Variants in DACH1 observed in about 807,000 individuals in gnomAD.
DACH1 encodes dachshund homolog 1.
DACH1 carries 12 observed loss-of-function variants against 54.2 expected under a neutral mutation model. The ratio of observed to expected loss-of-function variants is 0.22; its 90% CI spans 0.14 to 0.36. The LOEUF is 0.36. Ranked by LOEUF, DACH1 falls within the 10% of genes least tolerant of loss-of-function variation. The pLI is 1.00. For synonymous variants in DACH1, 386 were observed against 366.2 expected (o/e 1.05, Z -0.62); for missense variants, 805 against 929.8 (o/e 0.87, Z 1.75).
intron 3 of DACH1, among the ~76,000 whole-genome samples, chr13:71,608,572 A>G (rs985142947): frequency 2.0e-5 from 3 of 152,106 alleles, no homozygotes; most frequent in African/African-American, 7.2e-5. Context: ...TCAAATATCA[A>G]TAGATTAACA....
chr13:71,866,844 GA>G lies in DACH1; in HGVS notation c.-76del. ...CCACACACCCCCGGGAGGGGAAGGGGAAAAAAGGGGGGAGAAGGAGCGAGGG... is the reference window on the plus strand; with the variant it reads ...CCACACACCCCCGGGAGGGGAAGGGGAAAAAGGGGGGAGAAGGAGCGAGGG... On this transcript the variant is annotated 5_prime_UTR_variant, in exon 1 of 11. Transcript: ENST00000613252. 8.2e-6 allele frequency: 9 copies of G among 1,093,242 alleles called. No individual in the cohort carries two copies. Among genetic ancestry groups the G allele is most frequent in the East Asian group, 5.2e-5 (1 of 19,194 alleles). The allele number at this position is 1,093,242 out of a possible 1,614,324, so 67.7% of individuals were successfully genotyped here. A position where few individuals can be genotyped will look rare whatever the true frequency, so the allele number is the denominator to read the frequency against.
At chr13:71,741,876 A>C (rs552445203) in intron 1 of DACH1, among the ~76,000 whole-genome samples, 2 of 152,274 alleles carry the variant, frequency 1.3e-5, no homozygotes, top group Admixed American at 6.5e-5. Context: ...AATCCCTGAA[A>C]ACAACACCTA....
At chr13:71,540,826 A>T (rs968894646) in intron 6 of DACH1, among the ~76,000 whole-genome samples, 1 of 152,020 alleles carries the variant, frequency 6.6e-6, no homozygotes, top group African/African-American at 2.4e-5. Context: ...AACTTCTATA[A>T]TATTGCCTAA....
At position 71,471,398 on chromosome 13, in the gene DACH1, T is replaced by C. The variant is rs867211024; in HGVS notation, c.2083+3743A>G. On this transcript the variant is annotated intron_variant, in intron 10 of 10. Coordinates refer to ENST00000613252, the MANE Select transcript of DACH1 (RefSeq NM_080759.6). ...CCAAATAAAAAGTTGGATATTATTA[T>C]CTGGAGCTCTTAAGAGATGTCTGAG... 3.1e-4 allele frequency among the ~76,000 whole-genome samples: 47 copies of C among 152,098 alleles called. 1 individual carries two copies. In the Middle Eastern group the frequency reaches 0.01, roughly 33 times the overall value.
At chr13:71,738,832 G>A (rs1884259312) in intron 1 of DACH1, among the ~76,000 whole-genome samples, 1 of 151,320 alleles carries the variant, frequency 6.6e-6, no homozygotes, top group South Asian at 2.1e-4. Context: ...AGATGATCTG[G>A]CAATGAAGAA....
At chr13:71,630,740 G>T (rs772913303) in intron 2 of DACH1, 23 bp from the exon 3 acceptor site, 3 of 1,535,152 alleles carry the variant, frequency 2.0e-6, no homozygotes, top group African/African-American at 2.8e-5. Flanking sequence ...AATTAAAAAT[G>T]AGGTAATTCA....
In DACH1 at chr13:71,638,430, A is replaced by T. The variant is rs144906142; in HGVS notation, c.965-7713T>A. Among the ~76,000 whole-genome samples the T allele has an allele frequency of 5.1e-4, 78 of 152,308 alleles. 2 individuals are homozygous for T. In the South Asian group the frequency reaches 0.016, roughly 31 times the overall value. On this transcript the variant is annotated intron_variant, in intron 2 of 10. Transcript: ENST00000613252. ...GGTGTGAAGCGGATTCTCCAGCTGA[A>T]ATGAAGGGGCACATCATTTAAAACC...
At chr13:71,634,737 A>G (rs548988743) in intron 2 of DACH1, among the ~76,000 whole-genome samples, 1 of 152,148 alleles carries the variant, frequency 6.6e-6, no homozygotes, top group Admixed American at 6.5e-5. Context: ...ACCCTGCTGT[A>G]TGTGAGTCTG....
At chr13:71,677,199 T>C (rs1425341922) in intron 2 of DACH1, among the ~76,000 whole-genome samples, 1 of 152,222 alleles carries the variant, frequency 6.6e-6, no homozygotes, top group East Asian at 1.9e-4. Context: ...ATGAATGTTA[T>C]TGGAAGTCTG....
chr13:71,607,499 T>C (rs906899947), intron 3 of DACH1, among the ~76,000 whole-genome samples: 2 of 152,046 alleles, frequency 1.3e-5, no homozygotes, highest in African/African-American at 4.8e-5. Flanking sequence ...AAATACTGTG[T>C]TAAATGGGCA....
chr13:71,557,610 C>T (rs955427882), intron 5 of DACH1, among the ~76,000 whole-genome samples: 1 of 151,928 alleles, frequency 6.6e-6, no homozygotes, highest in Non-Finnish European at 1.5e-5. Context: ...CAAAGGTAAA[C>T]ATCAACAACA....
intron 6 of DACH1, among the ~76,000 whole-genome samples, chr13:71,507,428 A>AT (rs1450628765): frequency 1.3e-5 from 2 of 152,196 alleles, no homozygotes; most frequent in Non-Finnish European, 2.9e-5. Context: ...TAACAAAACT[A>AT]TTTTTACAAT....
Position 71,814,120 on chromosome 13 carries a change from C to T in DACH1, c.848+51802G>A, listed in dbSNP as rs180949064. On this transcript the variant is annotated intron_variant, in intron 1 of 10. Transcript: ENST00000613252. ...GTAAGCTAGATTAACCAAATAAAAA[C>T]GTAAAAACTTTCCATCAGCAGTTTC... 1.8e-3 allele frequency among the ~76,000 whole-genome samples: 270 copies of T among 152,266 alleles called. 1 individual carries two copies. Among genetic ancestry groups the T allele is most frequent in the African/African-American group, 5.0e-3 (207 of 41,548 alleles).
intron 3 of DACH1, among the ~76,000 whole-genome samples, chr13:71,598,992 GTTC>G (rs963475799): frequency 8.5e-5 from 13 of 152,152 alleles, no homozygotes; most frequent in Admixed American, 4.6e-4. Context: ...AGGTCTTAGA[GTTC>G]TTCTTATATT....
chr13:71,585,618 A>T (rs897789839), intron 3 of DACH1, among the ~76,000 whole-genome samples: 1 of 152,136 alleles, frequency 6.6e-6, no homozygotes, highest in Admixed American at 6.6e-5. Flanking sequence ...ACCTCAATTG[A>T]CTAGAGGAGA....
intron 10 of DACH1, among the ~76,000 whole-genome samples, chr13:71,459,652 A>C (rs1401410090): frequency 6.6e-6 from 1 of 151,954 alleles, no homozygotes; most frequent in African/African-American, 2.4e-5. Context: ...AATTAAGCCC[A>C]AAGAAGAAAG....
At chr13:71,638,499 G>T (rs1286385425) in intron 2 of DACH1, among the ~76,000 whole-genome samples, 1 of 152,072 alleles carries the variant, frequency 6.6e-6, no homozygotes, top group Admixed American at 6.6e-5. Flanking sequence ...TCATATACAT[G>T]ATACATCATG....
At chr13:71,608,771 TATA>T (rs1875082615) in intron 3 of DACH1, among the ~76,000 whole-genome samples, 1 of 152,172 alleles carries the variant, frequency 6.6e-6, no homozygotes, top group Non-Finnish European at 1.5e-5. Context: ...TTCTGTTTTT[TATA>T]ATAATTATTT....
intron 2 of DACH1, among the ~76,000 whole-genome samples, chr13:71,645,059 C>T (rs930571583): frequency 6.6e-6 from 1 of 152,082 alleles, no homozygotes; most frequent in African/African-American, 2.4e-5. Flanking sequence ...GCCTAGATAC[C>T]AGAATCCAAA....
Sources: gnomAD v4.1 joint callset for allele counts (sites outside exome capture counted in the v4.1 genomes callset) on GRCh38, gnomAD v4.1.1 for gene constraint, MANE v1.5 for transcripts, NCBI Gene and HGNC (gene_info 2026-07-23, HGNC 2026-07-21) for gene names.